Variants in ABAT observed in about 807,000 individuals in gnomAD.
The protein encoded by ABAT is 4-aminobutyrate aminotransferase, mitochondrial.
Under a neutral mutation model 64.6 loss-of-function variants are expected in ABAT, and 45 were observed. The ratio of observed to expected loss-of-function variants is 0.70; its 90% CI spans 0.55 to 0.89. The LOEUF is 0.89. Ranked by LOEUF, ABAT falls within the 40% of genes least tolerant of loss-of-function variation. ABAT has a pLI of 0.00. For synonymous variants in ABAT, 297 were observed against 250.5 expected, an observed-to-expected ratio of 1.19 and a Z score of -1.75; for missense variants, 633 against 658.4, an observed-to-expected ratio of 0.96 and a Z score of 0.42.
chr16:8,719,625 C>A lies in ABAT; in HGVS notation c.-41-16074C>A, dbSNP rs530876625. ...CTGGATGTTGAGGCTGGTAGCAGGA[C>A]CACCGCATGTGCCAATAGTCTTTAG... On this transcript the variant is annotated intron_variant, in intron 1 of 15. Transcript: ENST00000268251. Among the ~76,000 whole-genome samples, 11 of 152,250 alleles carry A rather than the reference C, an allele frequency of 7.2e-5. No homozygotes were observed. The East Asian group carries it at 1.7e-3, about 24-fold the overall frequency.
chr16:8,702,303 A>C (rs1163073789), intron 1 of ABAT, among the ~76,000 whole-genome samples: 1 of 151,256 alleles, frequency 6.6e-6, no homozygotes, highest in East Asian at 1.9e-4. Context: ...CCCAGGCTGG[A>C]GTGCAATGGC....
At chr16:8,678,702 T>C (rs1454926300) in intron 1 of ABAT, among the ~76,000 whole-genome samples, 1 of 152,216 alleles carries the variant, frequency 6.6e-6, no homozygotes, top group Non-Finnish European at 1.5e-5. Context: ...AAAATGTCCA[T>C]GGCAGAGCTT....
chr16:8,748,510 T>C (rs2059393848), intron 4 of ABAT, among the ~76,000 whole-genome samples: 1 of 152,200 alleles, frequency 6.6e-6, no homozygotes, highest in Non-Finnish European at 1.5e-5. Context: ...TATTCTGCTG[T>C]TGTTGGGCAG....
intron 13 of ABAT, 138 bp downstream of exon 13, chr16:8,775,195 C>A: frequency 8.9e-7 from 1 of 1,121,408 alleles, no homozygotes; most frequent in South Asian, 1.3e-5. Context: ...CAGTTCTTAT[C>A]AATGCAATTA....
chr16:8,734,602 G>A (rs2058857390), intron 1 of ABAT, among the ~76,000 whole-genome samples: 2 of 152,140 alleles, frequency 1.3e-5, no homozygotes, highest in Non-Finnish European at 2.9e-5. Context: ...TAATCATACT[G>A]TATGTAAAGC....
Position 8,764,706 on chromosome 16 carries a change from GCCTGGGCTCACGGCTATTT to G in ABAT, c.448-29_448-11del. On this transcript the variant is annotated splice_polypyrimidine_tract_variant and intron_variant, in intron 7 of 15. Transcript: ENST00000268251. This position sits in a 1 kb window ranked among gnomAD's most constrained non-coding sequence, Gnocchi z 4.2. The stretch of plus-strand genomic sequence containing the variant: ...AGCGGGAGGACAGGAGTCATGATGA[GCCTGGGCTCACGGCTATTT>G]CCCTCCCCACAGGTGGCTCCCAAAG... 1 of 1,598,942 alleles carries G rather than the reference GCCTGGGCTCACGGCTATTT, an allele frequency of 6.3e-7. No homozygotes were observed. The highest frequency in any genetic ancestry group is 8.6e-7 in the Non-Finnish European group (1 of 1,166,322).
chr16:8,739,621 G>C (rs1596445455), intron 2 of ABAT, among the ~76,000 whole-genome samples: 1 of 152,124 alleles, frequency 6.6e-6, no homozygotes, highest in East Asian at 1.9e-4. Context: ...GGGAGGCTGA[G>C]GCAGGAGAAT....
At chr16:8,718,789 T>C (rs865962532) in intron 1 of ABAT, among the ~76,000 whole-genome samples, 2 of 152,200 alleles carry the variant, frequency 1.3e-5, no homozygotes, top group Non-Finnish European at 2.9e-5. Flanking sequence ...CATTCATTCG[T>C]AAAATCAGAG....
intron 1 of ABAT, among the ~76,000 whole-genome samples, chr16:8,687,262 G>A (rs557177323): frequency 2.6e-5 from 4 of 152,078 alleles, no homozygotes; most frequent in Admixed American, 1.3e-4. Context: ...GCTGAGCTCC[G>A]GTCTGTAATC....
chr16:8,684,045 CAG>C (rs1376235539), intron 1 of ABAT, among the ~76,000 whole-genome samples: 1 of 152,130 alleles, frequency 6.6e-6, no homozygotes, highest in African/African-American at 2.4e-5. Flanking sequence ...CATGCGGAAA[CAG>C]GCCCCAAAAC....
At chr16:8,729,843 A>AG (rs1159621669) in intron 1 of ABAT, among the ~76,000 whole-genome samples, 32 of 151,362 alleles carry the variant, frequency 2.1e-4, no homozygotes, top group Non-Finnish European at 8.8e-5. Context: ...AAAAAAAAAA[A>AG]AAAGACCCTG....
intron 2 of ABAT, among the ~76,000 whole-genome samples, chr16:8,737,921 A>T (rs1262009804): frequency 4.7e-4 from 2 of 4,230 alleles, no homozygotes; most frequent in African/African-American, 1.0e-3. Context: ...GACTGAGATT[A>T]AAAAAAAAAA....
At chr16:8,691,520 A>G (rs370748355) in intron 1 of ABAT, among the ~76,000 whole-genome samples, 15 of 152,134 alleles carry the variant, frequency 9.9e-5, no homozygotes, top group African/African-American at 3.6e-4. Context: ...GCTCAATGCA[A>G]TCTCTGCCTC....
intron 1 of ABAT, among the ~76,000 whole-genome samples, chr16:8,701,973 G>A (rs1334657874): frequency 1.3e-5 from 2 of 150,510 alleles, no homozygotes; most frequent in Non-Finnish European, 3.0e-5. Context: ...GTAGGTGTAG[G>A]GGGGTCCTGC....
chr16:8,699,016 A>C (rs1211849352), intron 1 of ABAT, among the ~76,000 whole-genome samples: 1 of 152,218 alleles, frequency 6.6e-6, no homozygotes, highest in African/African-American at 2.4e-5. Flanking sequence ...TATCTGTTTC[A>C]GTCCTTGCTC....
Position 8,746,010 on chromosome 16 carries a change from A to G in ABAT, c.80A>G (p.His27Arg). The G allele has an allele frequency of 1.2e-6, 2 of 1,614,010 alleles. No homozygotes were observed. Among genetic ancestry groups the G allele is most frequent in the Non-Finnish European group, 1.7e-6 (2 of 1,179,928 alleles). ...SYRLLVPGSR[H>R]ISQAAAKVDV... Reference sequence around the variant, plus strand: ...TCTTTGTTTACTGCAGGATCCAGACACATTAGTCAAGCTGCAGCCAAAGTC... The same window carrying G: ...TCTTTGTTTACTGCAGGATCCAGACGCATTAGTCAAGCTGCAGCCAAAGTC... The change falls in exon 3 of 16, where the codon CAC becomes CGC. Residue 27 changes from histidine to arginine, a missense_variant. His to Arg is a conservative substitution (Grantham distance 29). Transcript: ENST00000268251.
chr16:8,754,580 G>A (rs2059589077), intron 5 of ABAT, among the ~76,000 whole-genome samples: 1 of 152,098 alleles, frequency 6.6e-6, no homozygotes, highest in East Asian at 1.9e-4. Flanking sequence ...AACTCCATTT[G>A]ACCATCTTGG....
At position 8,754,662 on chromosome 16, in the gene ABAT, A is replaced by ATTTCTTTC. The variant is rs779413223; in HGVS notation, c.317-3092_317-3091insCTTTCTTT. Among the ~76,000 whole-genome samples the ATTTCTTTC allele has an allele frequency of 8.9e-3, 1,302 of 146,004 alleles. 19 individuals are homozygous for ATTTCTTTC. Among genetic ancestry groups the ATTTCTTTC allele is most frequent in the Middle Eastern group, 0.028 (8 of 282 alleles). On this transcript the variant is annotated intron_variant, in intron 5 of 15. Transcript: ENST00000268251. ...GAGTTTCAGCATTTTCAGCAAGTTG[A>ATTTCTTTC]TTTATTTATTTCTTTCTTTCTTTCT...
chr16:8,782,938 T>G lies in ABAT; in HGVS notation c.*1508T>G, dbSNP rs2060473412. ...GTCCAAAGATCTCAAAGTAAGGGTT[T>G]TTTTTTTTAGCTTCCACTCTTCCGC... is the stretch of plus-strand genomic sequence containing the variant. On this transcript the variant is annotated 3_prime_UTR_variant, in exon 16 of 16. Transcript: ENST00000268251. 6.6e-6 allele frequency: 1 copy of G among 152,182 alleles called. No individual in the cohort carries two copies. Among genetic ancestry groups the G allele is most frequent in the South Asian group, 2.1e-4 (1 of 4,832 alleles). 9.4% of individuals were successfully genotyped at this position (152,182 alleles called of 1,614,324 possible). A position where few individuals can be genotyped will look rare whatever the true frequency, so the allele number is the denominator to read the frequency against.
Sources: allele counts gnomAD v4.1 joint callset (sites outside exome capture counted in the v4.1 genomes callset), GRCh38; gene constraint gnomAD v4.1.1; non-coding constraint Gnocchi (gnomAD v3.1); transcripts MANE v1.5; gene names NCBI Gene and HGNC (gene_info 2026-07-23, HGNC 2026-07-21).